Variants in PCDHA2 observed in about 807,000 individuals in gnomAD.
PCDHA2 encodes protocadherin alpha-2.
Under a neutral mutation model 66.0 loss-of-function variants are expected in PCDHA2, and 58 were observed. The ratio of observed to expected loss-of-function variants is 0.88; its 90% confidence interval spans 0.71 to 1.09. PCDHA2 has a LOEUF of 1.09. PCDHA2 is among the 50% of genes least tolerant of loss of function. The probability of loss-of-function intolerance (pLI) is 0.00; values close to 1 mark genes in which losing one functional copy is unlikely to be tolerated. For missense variants in PCDHA2, 1,267 were observed against 1,242.3 expected, an observed-to-expected ratio of 1.02 and a Z score of -0.30; for synonymous variants, 634 against 554.0, an observed-to-expected ratio of 1.14 and a Z score of -2.03.
At chr5:140,885,736 C>T (rs1457106867) in intron 1 of PCDHA2, among the ~76,000 whole-genome samples, 1 of 152,060 alleles carries the variant, frequency 6.6e-6, no homozygotes, top group African/African-American at 2.4e-5. Context: ...AATGATATTT[C>T]ACTGTTACTT....
chr5:140,801,134 A>T, intron 1 of PCDHA2: 1 of 1,523,918 alleles, frequency 6.6e-7, no homozygotes, highest in Non-Finnish European at 8.8e-7. Flanking sequence ...AAGATAAGGA[A>T]CTCGAATTAT....
At position 140,796,320 on chromosome 5, in the gene PCDHA2, G is replaced by T. The variant is rs141660057; in HGVS notation, c.1356G>T (p.Ala452=). The stretch of plus-strand genomic sequence containing the variant: ...AGGTGGCCGACGTGAACGACAACGC[G>T]CCGGCGTTCGCACAGCCTGAGTACA... ...SIEVADVNDN[A]PAFAQPEYTV... is the part of the protein sequence containing the mutation. Residue 452 remains alanine, a synonymous_variant, in exon 1 of 4, where the codon GCG becomes GCT. Coordinates refer to ENST00000526136, the MANE Select transcript of PCDHA2 (RefSeq NM_018905.3). 101 of 1,613,976 alleles carry T rather than the reference G, an allele frequency of 6.3e-5. No individual in the cohort carries two copies. In the East Asian group the frequency reaches 1.6e-3, roughly 26 times the overall value.
chr5:140,928,770 C>A, intron 1 of PCDHA2: 4 of 1,614,106 alleles, frequency 2.5e-6, no homozygotes, highest in Non-Finnish European at 2.5e-6. Context: ...TAGTTCTTCC[C>A]ACTGATGCAG....
At chr5:140,878,371 G>A (rs543191231) in intron 1 of PCDHA2, among the ~76,000 whole-genome samples, 53 of 152,276 alleles carry the variant, frequency 3.5e-4, no homozygotes, top group Non-Finnish European at 6.5e-4. Flanking sequence ...TCTGACATAT[G>A]ATGAATGATT....
At chr5:140,819,221 T>C (rs2150103384) in intron 1 of PCDHA2, among the ~76,000 whole-genome samples, 1 of 152,322 alleles carries the variant, frequency 6.6e-6, no homozygotes, top group East Asian at 1.9e-4. Context: ...ATACAATTGC[T>C]TCAACATTTC....
intron 3 of PCDHA2, among the ~76,000 whole-genome samples, chr5:140,989,708 G>T (rs2097355537): frequency 6.6e-6 from 1 of 152,154 alleles, no homozygotes; most frequent in South Asian, 2.1e-4. Context: ...ATCTTCAGAG[G>T]CAGTCAGCTT....
intron 3 of PCDHA2, among the ~76,000 whole-genome samples, chr5:141,004,948 C>T (rs1356526927): frequency 6.6e-6 from 1 of 152,236 alleles, no homozygotes; most frequent in African/African-American, 2.4e-5. Context: ...TTCTTACCCT[C>T]TCTCGTCACT....
chr5:140,994,358 G>A (rs2097616894), intron 3 of PCDHA2, among the ~76,000 whole-genome samples: 1 of 152,162 alleles, frequency 6.6e-6, no homozygotes, highest in Admixed American at 6.5e-5. Flanking sequence ...GACCTCAGAA[G>A]ATGGAATTGG....
chr5:140,969,998 G>A (rs1345371434), intron 1 of PCDHA2, among the ~76,000 whole-genome samples: 2 of 152,220 alleles, frequency 1.3e-5, no homozygotes, highest in Non-Finnish European at 2.9e-5. Flanking sequence ...GGCTGTCAGA[G>A]GGAGTGGATG....
chr5:140,998,059 C>T (rs1471709750), intron 3 of PCDHA2, among the ~76,000 whole-genome samples: 1 of 152,154 alleles, frequency 6.6e-6, no homozygotes, highest in East Asian at 1.9e-4. Context: ...ACATCATCAT[C>T]AACAGACTTA....
At chr5:140,923,638 C>G (rs1375136191) in intron 1 of PCDHA2, among the ~76,000 whole-genome samples, 1 of 152,176 alleles carries the variant, frequency 6.6e-6, no homozygotes, top group African/African-American at 2.4e-5. Flanking sequence ...AGGCAAAAAT[C>G]TTTAGCCTCC....
At chr5:140,873,843 T>C (rs2054523917) in intron 1 of PCDHA2, among the ~76,000 whole-genome samples, 1 of 152,144 alleles carries the variant, frequency 6.6e-6, no homozygotes, top group Non-Finnish European at 1.5e-5. Context: ...GTATTTTTAG[T>C]AGAGATGGGT....
At chr5:140,875,464 T>A (rs782432702) in intron 1 of PCDHA2, 1 of 1,599,740 alleles carries the variant, frequency 6.3e-7, no homozygotes, top group Admixed American at 1.7e-5. Flanking sequence ...GAGGCCCTCA[T>A]TTTCTGCAAT....
At chr5:140,936,987 T>C (rs996790487) in intron 1 of PCDHA2, among the ~76,000 whole-genome samples, 1 of 152,170 alleles carries the variant, frequency 6.6e-6, no homozygotes, top group Non-Finnish European at 1.5e-5. Context: ...CTTGTTAACA[T>C]TGACAATATT....
chr5:140,825,535 C>T (rs1439548778), intron 1 of PCDHA2: 1 of 151,464 alleles, frequency 6.6e-6, no homozygotes, highest in Non-Finnish European at 1.5e-5. Flanking sequence ...AGCGATTCTC[C>T]TGCCTTATCT....
intron 1 of PCDHA2, chr5:140,822,712 A>G (rs1374875942): frequency 2.5e-6 from 4 of 1,610,830 alleles, no homozygotes; most frequent in African/African-American, 2.7e-5. Flanking sequence ...TGAAGACTAT[A>G]ACTCATATGA....
chr5:140,871,211 T>A (rs781784103), intron 1 of PCDHA2: 1 of 1,613,724 alleles, frequency 6.2e-7, no homozygotes, highest in Non-Finnish European at 8.5e-7. Flanking sequence ...ATCATCGCCA[T>A]CTGCGTGGTG....
chr5:140,936,714 C>G (rs2091106727), intron 1 of PCDHA2, among the ~76,000 whole-genome samples: 1 of 152,198 alleles, frequency 6.6e-6, no homozygotes, highest in African/African-American at 2.4e-5. Context: ...TGTGCCAATA[C>G]ATTCTGTGTT....
chr5:140,852,335 T>C (rs2042302607), intron 1 of PCDHA2: 1 of 256,936 alleles, frequency 3.9e-6, no homozygotes. Context: ...TGGAGTACAG[T>C]GGCATGATCT....
Sources: allele counts gnomAD v4.1 joint callset (sites outside exome capture counted in the v4.1 genomes callset), GRCh38; gene constraint gnomAD v4.1.1; transcripts MANE v1.5; gene names NCBI Gene and HGNC (gene_info 2026-07-23, HGNC 2026-07-21).